TMC1: variants seen among roughly 807,000 people sequenced by gnomAD.
TMC1 encodes the protein transmembrane channel-like protein 1.
A neutral mutation model predicts 105.8 loss-of-function variants in TMC1; 84 were observed. The ratio of observed to expected loss-of-function variants is 0.79; its 90% CI spans 0.67 to 0.95. The LOEUF is 0.95. Ranked by LOEUF, TMC1 falls within the 40% of genes least tolerant of loss-of-function variation. TMC1 has a pLI of 0.00. For synonymous variants in TMC1, 315 were observed against 311.5 expected, an observed-to-expected ratio of 1.01 and a Z score of -0.12; for missense variants, 817 against 914.1, an observed-to-expected ratio of 0.89 and a Z score of 1.37.
chr9:72,704,959 G>A lies in TMC1; in HGVS notation c.362+4316G>A, dbSNP rs138998047. On this transcript the variant is annotated intron_variant, in intron 8 of 23. Transcript: ENST00000297784. ...AGAGTGTGTGTAGGGAGTTGGAGGG[G>A]GGTAAGGGAAACAGTGTCATATTTT... Among the ~76,000 whole-genome samples, 506 of 151,752 alleles carry A rather than the reference G, an allele frequency of 3.3e-3. 4 individuals carry two copies. Among genetic ancestry groups the A allele is most frequent in the African/African-American group, 0.012 (486 of 41,374 alleles).
chr9:72,529,231 C>T (rs12351107), intron 1 of TMC1, among the ~76,000 whole-genome samples: 5,255 of 152,014 alleles, frequency 0.035, 279 homozygotes, highest in African/African-American at 0.11. Context: ...ATTGCTAAAT[C>T]GTTTCCTATT....
At position 72,561,859 on chromosome 9, in the gene TMC1, G is replaced by A. The variant is rs115011765; in HGVS notation, c.-427-16043G>A. Among the ~76,000 whole-genome samples, 860 of 152,234 alleles carry A rather than the reference G, an allele frequency of 5.6e-3. 4 individuals carry two copies. The highest frequency in any genetic ancestry group is 0.019 in the African/African-American group (806 of 41,536). ...TGTTTCTTCTTCTAGGCCCCAAACC[G>A]GAGCGGGGTGCAGTGGCTCAAGCCT... On this transcript the variant is annotated intron_variant, in intron 1 of 23. Coordinates refer to ENST00000297784, the MANE Select transcript of TMC1 (RefSeq NM_138691.3).
chr9:72,815,281 T>G (rs1828766373), intron 18 of TMC1, among the ~76,000 whole-genome samples: 1 of 152,094 alleles, frequency 6.6e-6, no homozygotes, highest in Admixed American at 6.6e-5. Flanking sequence ...ATTCTATTGG[T>G]TTTTTGTGGC....
chr9:72,767,280 G>A (rs1231106025), intron 12 of TMC1, among the ~76,000 whole-genome samples: 1 of 152,128 alleles, frequency 6.6e-6, no homozygotes, highest in African/African-American at 2.4e-5. Flanking sequence ...TCAAAATAAT[G>A]GTCTGGCAGC....
intron 9 of TMC1, among the ~76,000 whole-genome samples, chr9:72,742,220 C>T (rs948017135): frequency 2.6e-5 from 4 of 152,038 alleles, no homozygotes; most frequent in Non-Finnish European, 5.9e-5. Flanking sequence ...TTCCATAAAA[C>T]AGGGGATCGA....
chr9:72,553,583 T>C (rs1280384572), intron 1 of TMC1, among the ~76,000 whole-genome samples: 6 of 152,216 alleles, frequency 3.9e-5, no homozygotes. Context: ...AGTATGCTCA[T>C]ATTTTATCAG....
intron 4 of TMC1, among the ~76,000 whole-genome samples, chr9:72,631,955 G>A (rs1014382839): frequency 1.3e-5 from 2 of 152,228 alleles, no homozygotes; most frequent in South Asian, 4.1e-4. Flanking sequence ...TGGCAAGGAA[G>A]TAAAGGAATA....
intron 2 of TMC1, among the ~76,000 whole-genome samples, chr9:72,589,799 C>G (rs566561990): frequency 6.6e-6 from 1 of 152,082 alleles, no homozygotes; most frequent in African/African-American, 2.4e-5. Flanking sequence ...CTTTAAAGGT[C>G]GTTTAGATGG....
chr9:72,785,093 TA>T (rs544588283), intron 13 of TMC1, among the ~76,000 whole-genome samples: 12 of 151,944 alleles, frequency 7.9e-5, no homozygotes, highest in Non-Finnish European at 1.3e-4. Flanking sequence ...GAACCTAAAA[TA>T]AAAATTAGAA....
chr9:72,728,849 A>T (rs878915266), intron 8 of TMC1, among the ~76,000 whole-genome samples: 3 of 152,030 alleles, frequency 2.0e-5, no homozygotes, highest in Admixed American at 1.3e-4. Context: ...AGTTTTAATC[A>T]GCAGGTAGAA....
intron 4 of TMC1, among the ~76,000 whole-genome samples, chr9:72,628,692 G>T (rs1478295208): frequency 6.6e-6 from 1 of 152,100 alleles, no homozygotes; most frequent in Non-Finnish European, 1.5e-5. Flanking sequence ...GTAATTTCAG[G>T]TCTCTAAATA....
intron 5 of TMC1, among the ~76,000 whole-genome samples, chr9:72,686,504 A>C (rs1826381808): frequency 6.6e-6 from 1 of 152,208 alleles, no homozygotes; most frequent in South Asian, 2.1e-4. Context: ...GCTGATAGTT[A>C]CTTTTCAGGC....
chr9:72,535,038 A>T (rs1170965600), intron 1 of TMC1, among the ~76,000 whole-genome samples: 1 of 79,778 alleles, frequency 1.3e-5, no homozygotes, highest in Admixed American at 1.6e-4. Flanking sequence ...CGATTCATGG[A>T]TCTCTTAGAG....
chr9:72,522,228 A>G (rs946197844), intron 1 of TMC1, among the ~76,000 whole-genome samples: 16 of 151,132 alleles, frequency 1.1e-4, no homozygotes, highest in East Asian at 3.9e-4. Context: ...CGGCTCCCCA[A>G]GTAGCTGGGA....
At chr9:72,522,961 G>T (rs961186501) in intron 1 of TMC1, among the ~76,000 whole-genome samples, 1 of 152,194 alleles carries the variant, frequency 6.6e-6, no homozygotes, top group East Asian at 1.9e-4. Context: ...GTAGATGACA[G>T]TATCAACCCC....
intron 13 of TMC1, among the ~76,000 whole-genome samples, chr9:72,776,257 T>C (rs1828003681): frequency 6.6e-6 from 1 of 151,784 alleles, no homozygotes; most frequent in Non-Finnish European, 1.5e-5. Context: ...ATATATGAGA[T>C]ATATATTATA....
intron 17 of TMC1, among the ~76,000 whole-genome samples, chr9:72,800,387 G>T (rs938255373): frequency 3.3e-5 from 5 of 152,220 alleles, no homozygotes; most frequent in African/African-American, 1.2e-4. Context: ...TGAAAGCTAA[G>T]AAACCTGCAC....
intron 8 of TMC1, among the ~76,000 whole-genome samples, chr9:72,727,980 C>A (rs1027050856): frequency 6.6e-6 from 1 of 152,044 alleles, no homozygotes; most frequent in Non-Finnish European, 1.5e-5. Flanking sequence ...AAAAAGAATT[C>A]TTTACAATAA....
At chr9:72,602,799 G>GA (rs35234379) in intron 2 of TMC1, among the ~76,000 whole-genome samples, 5 of 151,994 alleles carry the variant, frequency 3.3e-5, no homozygotes, top group African/African-American at 1.2e-4. Context: ...GCTGTTCTTT[G>GA]AAAAAACATT....
Sources: gnomAD v4.1 joint callset for allele counts (sites outside exome capture counted in the v4.1 genomes callset) on GRCh38, gnomAD v4.1.1 for gene constraint, MANE v1.5 for transcripts, NCBI Gene and HGNC (gene_info 2026-07-23, HGNC 2026-07-21) for gene names.